The following SPOCK1 variants were observed in gnomAD, a reference collection of about 807,000 sequenced individuals.
SPOCK1 encodes SPARC (osteonectin), cwcv and kazal like domains proteoglycan 1, also known as testican-1.
A neutral mutation model predicts 55.3 loss-of-function variants in SPOCK1; 23 were observed. The ratio of observed to expected loss-of-function variants is 0.42; its 90% CI spans 0.30 to 0.59. SPOCK1 has a LOEUF of 0.59. SPOCK1 is among the 20% of genes least tolerant of loss of function. The probability of loss-of-function intolerance (pLI) is 0.22; values close to 1 mark genes in which losing one functional copy is unlikely to be tolerated. For synonymous variants in SPOCK1, 226 were observed against 221.0 expected (o/e 1.02, Z -0.20); for missense variants, 499 against 552.5 (o/e 0.90, Z 0.97).
chr5:137,176,321 G>T (rs1424930633), intron 3 of SPOCK1, among the ~76,000 whole-genome samples: 1 of 152,174 alleles, frequency 6.6e-6, no homozygotes, highest in Non-Finnish European at 1.5e-5. Flanking sequence ...GCATTCTCTT[G>T]GCAGTGAACA....
rs1425982237 is a variant in SPOCK1 at position 137,498,468 on chromosome 5, C to G, written c.91G>C (p.Ala31Pro). The G allele has an allele frequency of 1.2e-6, 2 of 1,606,290 alleles. No individual in the cohort carries two copies. The highest frequency in any genetic ancestry group is 4.5e-5 in the East Asian group (2 of 44,510). ...SRHLDALAGG[A>P]GPNHGNFLDN... Reference sequence around the variant, plus strand: ...AGGAAATTGCCGTGGTTGGGGCCCGCGCCTCCGGCGAGCGCGTCCAGGTGC... The same window carrying G: ...AGGAAATTGCCGTGGTTGGGGCCCGGGCCTCCGGCGAGCGCGTCCAGGTGC... The change falls in exon 2 of 11, where the codon GCG becomes CCG. Residue 31 changes from alanine to proline, a missense_variant. This residue lies in a region of SPOCK1 where 386 missense variants were observed against 400.6 expected (regional missense o/e 0.96). Coordinates refer to ENST00000394945, the MANE Select transcript of SPOCK1 (RefSeq NM_004598.4).
chr5:137,311,126 G>T (rs1561500936), intron 2 of SPOCK1, among the ~76,000 whole-genome samples: 1 of 152,184 alleles, frequency 6.6e-6, no homozygotes, highest in African/African-American at 2.4e-5. Context: ...GCCTCTGAGT[G>T]TTGGTTTAAC....
chr5:137,247,587 T>TA (rs991472506), intron 3 of SPOCK1, among the ~76,000 whole-genome samples: 18 of 152,030 alleles, frequency 1.2e-4, no homozygotes, highest in South Asian at 6.2e-4. Context: ...CAGAGCACTT[T>TA]AAAAAAAACT....
rs1006507844 is a variant in SPOCK1 at position 136,976,830 on chromosome 5, A to T, written c.*1824T>A. The stretch of plus-strand genomic sequence containing the variant: ...GTAGTTCATTTCTTATCTAAGACCA[A>T]CTATAGGTATGATGCTACTGTATTC... On this transcript the variant is annotated 3_prime_UTR_variant, in exon 11 of 11. Coordinates refer to ENST00000394945, the MANE Select transcript of SPOCK1 (RefSeq NM_004598.4). The T allele has an allele frequency of 6.6e-6, 1 of 152,234 alleles. No homozygotes were observed. Among genetic ancestry groups the T allele is most frequent in the Non-Finnish European group, 1.5e-5 (1 of 68,040 alleles). 9.4% of individuals were successfully genotyped at this position (152,234 alleles called of 1,614,324 possible). A position where few individuals can be genotyped will look rare whatever the true frequency, so the allele number is the denominator to read the frequency against.
At chr5:137,038,901 C>T (rs1751935079) in intron 6 of SPOCK1, among the ~76,000 whole-genome samples, 1 of 152,176 alleles carries the variant, frequency 6.6e-6, no homozygotes, top group African/African-American at 2.4e-5. Context: ...GTATGTCCTA[C>T]TATATGTCCG....
intron 2 of SPOCK1, among the ~76,000 whole-genome samples, chr5:137,402,672 G>A (rs1181532025): frequency 6.6e-6 from 1 of 152,160 alleles, no homozygotes; most frequent in Non-Finnish European, 1.5e-5. Context: ...CCACAGCCCA[G>A]TAAAACAGCT....
intron 3 of SPOCK1, among the ~76,000 whole-genome samples, chr5:137,169,665 A>G (rs1189344104): frequency 6.6e-6 from 1 of 152,180 alleles, no homozygotes; most frequent in African/African-American, 2.4e-5. Context: ...CATTTAGAGA[A>G]CATCAACTAT....
chr5:137,083,368 T>C (rs1752906862), intron 5 of SPOCK1, among the ~76,000 whole-genome samples: 1 of 152,186 alleles, frequency 6.6e-6, no homozygotes, highest in South Asian at 2.1e-4. Flanking sequence ...TGGGTTCAAA[T>C]CTTCCCTGGC....
At chr5:137,499,009 G>A (rs910203870) in intron 1 of SPOCK1, among the ~76,000 whole-genome samples, 170 bp downstream of exon 1, 9 of 152,002 alleles carry the variant, frequency 5.9e-5, no homozygotes, top group African/African-American at 2.2e-4. Context: ...AGCAGCTGGG[G>A]GTCCCCGGCG....
intron 4 of SPOCK1, among the ~76,000 whole-genome samples, chr5:137,116,505 C>G (rs4380650): frequency 0.75 from 113,771 of 151,800 alleles, 42,909 homozygotes; most frequent in African/African-American, 0.8. Context: ...AATTAGCTGG[C>G]TGTGGTGGCG....
chr5:137,117,957 A>T (rs1016805257), intron 4 of SPOCK1, among the ~76,000 whole-genome samples: 1 of 152,210 alleles, frequency 6.6e-6, no homozygotes, highest in African/African-American at 2.4e-5. Context: ...TATATTTATC[A>T]CAATATTTTA....
intron 2 of SPOCK1, among the ~76,000 whole-genome samples, chr5:137,281,392 T>A (rs1757163269): frequency 6.6e-6 from 1 of 152,230 alleles, no homozygotes; most frequent in Non-Finnish European, 1.5e-5. Flanking sequence ...ATGGCTAAAG[T>A]CCAGGAATGT....
At chr5:137,474,207 C>G (rs1425004917) in intron 2 of SPOCK1, among the ~76,000 whole-genome samples, 1 of 151,758 alleles carries the variant, frequency 6.6e-6, no homozygotes, top group East Asian at 1.9e-4. Flanking sequence ...CACCTATACC[C>G]CATATAACTT....
chr5:137,163,720 C>T (rs918430791), intron 3 of SPOCK1, among the ~76,000 whole-genome samples: 1 of 152,172 alleles, frequency 6.6e-6, no homozygotes, highest in African/African-American at 2.4e-5. Context: ...GGCCTATTCT[C>T]TTAGTGACCA....
rs1280922463 is a variant in SPOCK1 at position 137,356,822 on chromosome 5, TA to T, written c.187-89768del. Among the ~76,000 whole-genome samples, 29 of 23,254 alleles carry T rather than the reference TA, an allele frequency of 1.2e-3. 1 individual carries two copies. Among genetic ancestry groups the T allele is most frequent in the Non-Finnish European group, 1.9e-3 (25 of 12,980 alleles). The allele number at this position is 23,254 out of a possible 152,430, so 15.3% of individuals were successfully genotyped here. On this transcript the variant is annotated intron_variant, in intron 2 of 10. Coordinates refer to ENST00000394945, the MANE Select transcript of SPOCK1 (RefSeq NM_004598.4). ...TAATATATATATATATATATATATA[TA>T]TATATATATATATATAGAGAGAGAG...
intron 6 of SPOCK1, among the ~76,000 whole-genome samples, chr5:137,028,700 A>T (rs954026069): frequency 1.4e-4 from 22 of 152,154 alleles, no homozygotes; most frequent in African/African-American, 4.8e-4. Context: ...TGACAGAACC[A>T]ATGGGCAAGT....
At chr5:136,990,390 G>A (rs1269364127) in intron 7 of SPOCK1, among the ~76,000 whole-genome samples, 3 of 149,818 alleles carry the variant, frequency 2.0e-5, no homozygotes, top group Non-Finnish European at 4.4e-5. Flanking sequence ...GTCCCCTTCA[G>A]CAGCCTCAGG....
intron 2 of SPOCK1, among the ~76,000 whole-genome samples, chr5:137,437,913 T>A (rs1454002814): frequency 2.0e-5 from 3 of 152,148 alleles, no homozygotes; most frequent in Admixed American, 2.0e-4. Flanking sequence ...TAACTCCCCA[T>A]TCCCTCTCCC....
chr5:137,121,495 C>T (rs1753682170), intron 4 of SPOCK1, among the ~76,000 whole-genome samples: 1 of 151,032 alleles, frequency 6.6e-6, no homozygotes, highest in Admixed American at 6.6e-5. Context: ...TGGTGATTCA[C>T]ACACTTTGGA....
Sources: gnomAD v4.1 joint callset for allele counts (sites outside exome capture counted in the v4.1 genomes callset) on GRCh38, gnomAD v4.1.1 for gene constraint, gnomAD v4.1.1 regional missense constraint, MANE v1.5 for transcripts, NCBI Gene and HGNC (gene_info 2026-07-23, HGNC 2026-07-21) for gene names.